The following KCNH1 variants were observed in gnomAD, a reference collection of about 807,000 sequenced individuals.
KCNH1 encodes voltage-gated delayed rectifier potassium channel KCNH1.
In KCNH1, 27 loss-of-function variants were observed where a neutral mutation model predicts 69.2. The ratio of observed to expected loss-of-function variants is 0.39; its 90% CI spans 0.29 to 0.54. KCNH1 has a LOEUF of 0.54. Ranked by LOEUF, KCNH1 falls within the 20% of genes least tolerant of loss-of-function variation. The probability of loss-of-function intolerance (pLI) is 0.68; values close to 1 mark genes in which losing one functional copy is unlikely to be tolerated. For synonymous variants in KCNH1, 456 were observed against 487.7 expected (o/e 0.93, Z 0.86); for missense variants, 798 against 1,261.6 (o/e 0.63, Z 5.57).
chr1:210,800,227 G>C (rs1161855550), intron 8 of KCNH1, among the ~76,000 whole-genome samples: 1 of 152,222 alleles, frequency 6.6e-6, no homozygotes, highest in Admixed American at 6.5e-5. Context: ...CTTGGGCAGA[G>C]TGCTTGCTAA....
Position 210,939,000 on chromosome 1 carries a change from G to A in KCNH1, c.1033-18931C>T, listed in dbSNP as rs561643828. 2.6e-5 allele frequency among the ~76,000 whole-genome samples: 4 copies of A among 152,206 alleles called. No homozygotes were observed. The South Asian group carries it at 8.3e-4, about 32-fold the overall frequency. On this transcript the variant is annotated intron_variant, in intron 6 of 10. Transcript: ENST00000271751. ...ACTCTCCATGTGTGTCTTTATGGAT[G>A]AAAAATTGAGAACTGCTGTTCTAAG... is the stretch of plus-strand genomic sequence containing the variant.
intron 6 of KCNH1, among the ~76,000 whole-genome samples, chr1:210,935,394 T>C (rs935977554): frequency 6.6e-6 from 1 of 152,118 alleles, no homozygotes; most frequent in Non-Finnish European, 1.5e-5. Context: ...AGAGTTCGGT[T>C]ATTGGATACA....
rs528904428 is a variant in KCNH1 at position 211,016,576 on chromosome 1, G to T, written c.1032+2207C>A. ...CTAAGAAAAAAATTTCTAAAAATGT[G>T]CTCACAGAGAAAAGTATGATTCCCA... On this transcript the variant is annotated intron_variant, in intron 6 of 10. Coordinates refer to ENST00000271751, the MANE Select transcript of KCNH1 (RefSeq NM_172362.3). 2.6e-5 allele frequency among the ~76,000 whole-genome samples: 4 copies of T among 152,160 alleles called. No individual in the cohort carries two copies. In the South Asian group the frequency reaches 8.3e-4, roughly 32 times the overall value.
At chr1:210,997,143 C>T (rs186728537) in intron 6 of KCNH1, among the ~76,000 whole-genome samples, 13 of 152,240 alleles carry the variant, frequency 8.5e-5, no homozygotes, top group Admixed American at 1.3e-4. Context: ...TCACCAGCAA[C>T]GGAACAAAGC....
At chr1:210,848,101 T>C (rs1685600491) in intron 7 of KCNH1, among the ~76,000 whole-genome samples, 1 of 152,196 alleles carries the variant, frequency 6.6e-6, no homozygotes, top group Non-Finnish European at 1.5e-5. Flanking sequence ...TATAGGTTCT[T>C]GGAAGTAAGA....
intron 5 of KCNH1, among the ~76,000 whole-genome samples, chr1:211,030,957 G>A (rs1268177511): frequency 6.6e-6 from 1 of 151,936 alleles, no homozygotes; most frequent in African/African-American, 2.4e-5. Flanking sequence ...CCCAAAAGGA[G>A]ATACAGATAA....
At position 210,838,095 on chromosome 1, in the gene KCNH1, C is replaced by T. The variant is rs573849055; in HGVS notation, c.1463-33929G>A. On this transcript the variant is annotated intron_variant, in intron 7 of 10. Coordinates refer to ENST00000271751, the MANE Select transcript of KCNH1 (RefSeq NM_172362.3). ...TCACCGTACCTAACTTCAAACTATA[C>T]TACAGGGCTACAGTAACCAAAACAG... Among the ~76,000 whole-genome samples the T allele has an allele frequency of 3.9e-5, 6 of 152,272 alleles. No individual in the cohort carries two copies. In the South Asian group the frequency reaches 1.0e-3, roughly 26 times the overall value.
Position 211,025,575 on chromosome 1 carries a change from G to T in KCNH1, c.559-6319C>A, listed in dbSNP as rs575505666. On this transcript the variant is annotated intron_variant, in intron 5 of 10. Transcript: ENST00000271751. The stretch of plus-strand genomic sequence containing the variant: ...GAGTGTTGAGAGAAGCTGAGGCAGA[G>T]CTTGCATAATGTGAAAGAGTCTTGG... Among the ~76,000 whole-genome samples, 23 of 152,250 alleles carry T rather than the reference G, an allele frequency of 1.5e-4. 1 individual carries two copies. In the East Asian group the frequency reaches 4.4e-3, roughly 29 times the overall value.
chr1:210,971,951 G>A (rs114636570), intron 6 of KCNH1, among the ~76,000 whole-genome samples: 38 of 152,184 alleles, frequency 2.5e-4, no homozygotes, highest in African/African-American at 8.2e-4. Context: ...TACATGTGAT[G>A]AGTAACATGC....
At chr1:211,041,492 G>T (rs1245262455) in intron 5 of KCNH1, among the ~76,000 whole-genome samples, 1 of 152,132 alleles carries the variant, frequency 6.6e-6, no homozygotes, top group Non-Finnish European at 1.5e-5. Flanking sequence ...TATATTCAAT[G>T]TACCATCCTG....
intron 10 of KCNH1, among the ~76,000 whole-genome samples, chr1:210,729,630 GTAA>G (rs1682694067): frequency 6.6e-6 from 1 of 152,158 alleles, no homozygotes; most frequent in Non-Finnish European, 1.5e-5. Flanking sequence ...ACTGTCATTA[GTAA>G]TAAATTACTT....
chr1:210,880,308 C>G lies in KCNH1; in HGVS notation c.1462+39332G>C, dbSNP rs1393622124. ...ATAACATTGAAGGAGAAGAACAAAA[C>G]TAGAGGAGTGACACCATCCAGCTTC... On this transcript the variant is annotated intron_variant, in intron 7 of 10. Transcript: ENST00000271751. Among the ~76,000 whole-genome samples, 3 of 152,202 alleles carry G rather than the reference C, an allele frequency of 2.0e-5. No individual in the cohort carries two copies. The East Asian group carries it at 5.8e-4, about 29-fold the overall frequency.
At chr1:210,961,485 A>G (rs1211233183) in intron 6 of KCNH1, among the ~76,000 whole-genome samples, 1 of 152,060 alleles carries the variant, frequency 6.6e-6, no homozygotes, top group Non-Finnish European at 1.5e-5. Context: ...AGTCCTTTTT[A>G]TATCTTTCAT....
At chr1:211,062,035 T>G (rs1690441059) in intron 5 of KCNH1, among the ~76,000 whole-genome samples, 1 of 152,218 alleles carries the variant, frequency 6.6e-6, no homozygotes, top group Admixed American at 6.5e-5. Context: ...AGAACAGAAC[T>G]GGAAGAATCA....
intron 6 of KCNH1, among the ~76,000 whole-genome samples, chr1:210,942,042 G>A: frequency 6.6e-6 from 1 of 152,070 alleles, no homozygotes; most frequent in African/African-American, 2.4e-5. Flanking sequence ...GGCCTTCTGA[G>A]GATAAATCTC....
chr1:210,708,290 G>A lies in KCNH1; in HGVS notation c.2113-24152C>T, dbSNP rs114895453. ...GAATTCCACTTCTTCCATTGAAGTGGAATCAATCTTCAATGATTCCACTTC... is the reference window on the plus strand; with the variant it reads ...GAATTCCACTTCTTCCATTGAAGTGAAATCAATCTTCAATGATTCCACTTC... On this transcript the variant is annotated intron_variant, in intron 10 of 10. Coordinates refer to ENST00000271751, the MANE Select transcript of KCNH1 (RefSeq NM_172362.3). 3.5e-3 allele frequency among the ~76,000 whole-genome samples: 534 copies of A among 152,100 alleles called. 7 individuals are homozygous for A. The highest frequency in any genetic ancestry group is 0.012 in the African/African-American group (517 of 41,490).
At chr1:210,990,941 T>C (rs948193223) in intron 6 of KCNH1, among the ~76,000 whole-genome samples, 1 of 152,178 alleles carries the variant, frequency 6.6e-6, no homozygotes, top group African/African-American at 2.4e-5. Flanking sequence ...CATGTTTTGC[T>C]TTACCAACAT....
chr1:210,791,737 G>T (rs941939850), intron 9 of KCNH1, among the ~76,000 whole-genome samples: 7 of 152,070 alleles, frequency 4.6e-5, no homozygotes, highest in Admixed American at 6.6e-5. Context: ...TCCAAGACAA[G>T]GATTTTCTTT....
rs182484691 is a variant in KCNH1, at chr1:211,117,777, G to A, written c.80-10400C>T. Among the ~76,000 whole-genome samples, 4 of 152,240 alleles carry A rather than the reference G, an allele frequency of 2.6e-5. No individual in the cohort carries two copies. The East Asian group carries it at 5.8e-4, about 22-fold the overall frequency. ...CACTTCAGCTCTGTGGATCTGGTGG[G>A]GGACAGGGTCAACTAAATCTCCATG... On this transcript the variant is annotated intron_variant, in intron 1 of 10. Transcript: ENST00000271751.
Sources: allele counts gnomAD v4.1 joint callset (sites outside exome capture counted in the v4.1 genomes callset), GRCh38; gene constraint gnomAD v4.1.1; transcripts MANE v1.5; gene names NCBI Gene and HGNC (gene_info 2026-07-23, HGNC 2026-07-21).